The following OPHN1 variants were observed in gnomAD, a reference collection of about 807,000 sequenced individuals.
OPHN1 encodes oligophrenin-1.
A neutral mutation model predicts 60.7 loss-of-function variants in OPHN1; 11 were observed. That is an observed-to-expected ratio of 0.18 (90% confidence interval 0.11 to 0.30). The LOEUF (loss-of-function observed/expected upper bound fraction) is 0.30. OPHN1 is among the 10% of genes least tolerant of loss of function. The probability of loss-of-function intolerance (pLI) is 1.00; values close to 1 mark genes in which losing one functional copy is unlikely to be tolerated. For missense variants in OPHN1, 449 were observed against 611.0 expected (o/e 0.73, Z 2.80); for synonymous variants, 226 against 222.6 (o/e 1.02, Z -0.14).
At chrX:68,101,907 T>C (rs763031277) in intron 18 of OPHN1, among the ~76,000 whole-genome samples, 34 of 112,324 alleles carry the variant, frequency 3.0e-4, no homozygotes, top group African/African-American at 8.7e-4. Flanking sequence ...CTGGAATCCA[T>C]CTAGCCTTTA....
intron 2 of OPHN1, among the ~76,000 whole-genome samples, chrX:68,378,148 T>C (rs1310122555): frequency 1.8e-5 from 2 of 112,277 alleles, no homozygotes; most frequent in South Asian, 3.7e-4. Context: ...TGGTATCTCA[T>C]TGTGGTTTTG....
At chrX:68,175,847 C>T (rs1390307910) in intron 15 of OPHN1, among the ~76,000 whole-genome samples, 2 of 111,985 alleles carry the variant, frequency 1.8e-5, no homozygotes, top group Non-Finnish European at 3.8e-5. Context: ...GTACTCAAAA[C>T]AATGTGGTAC....
intron 15 of OPHN1, among the ~76,000 whole-genome samples, chrX:68,151,392 T>C (rs2077284804): frequency 9.0e-6 from 1 of 111,430 alleles, no homozygotes; most frequent in Non-Finnish European, 1.9e-5. Context: ...TAGGTATGAG[T>C]CAATTGAGGC....
chrX:68,249,264 G>A (rs779142732), intron 5 of OPHN1, among the ~76,000 whole-genome samples: 318 of 111,791 alleles, frequency 2.8e-3, no homozygotes, highest in Admixed American at 4.1e-3. Context: ...ATGGCCTATG[G>A]AGATTGCTGT....
At chrX:68,091,740 C>G (rs900982114) in intron 19 of OPHN1, among the ~76,000 whole-genome samples, 3 of 111,002 alleles carry the variant, frequency 2.7e-5, no homozygotes, top group Non-Finnish European at 5.7e-5. Flanking sequence ...TTCCTGGCAG[C>G]TCCCCAAAAC....
chrX:68,311,063 T>A (rs1015867784), intron 2 of OPHN1, among the ~76,000 whole-genome samples: 3 of 110,756 alleles, frequency 2.7e-5, no homozygotes, highest in African/African-American at 1.0e-4. Flanking sequence ...GAGACCAGCC[T>A]GGGCAACATT....
chrX:68,151,800 G>A (rs920206874), intron 15 of OPHN1, among the ~76,000 whole-genome samples: 6 of 111,575 alleles, frequency 5.4e-5, no homozygotes, highest in Non-Finnish European at 9.4e-5. Context: ...GTCTGCTCTC[G>A]AACTGCTATA....
intron 5 of OPHN1, among the ~76,000 whole-genome samples, chrX:68,262,821 A>C (rs76425931): frequency 1.2e-5 from 1 of 85,003 alleles, no homozygotes; most frequent in Non-Finnish European, 2.4e-5. Flanking sequence ...GGACAGGACA[A>C]GAAAGGAAAG....
chrX:68,211,343 C>T (rs1400615960), intron 8 of OPHN1, among the ~76,000 whole-genome samples: 1 of 112,158 alleles, frequency 8.9e-6, no homozygotes, highest in Non-Finnish European at 1.9e-5. Context: ...TAGCCAAATG[C>T]TCTGAACTTT....
At chrX:68,290,620 A>G (rs1403380613) in intron 3 of OPHN1, among the ~76,000 whole-genome samples, 4 of 108,239 alleles carry the variant, frequency 3.7e-5, no homozygotes, top group African/African-American at 1.0e-4. Context: ...AAAGAAAGGG[A>G]AAAAAAAGCG....
At chrX:68,292,341 T>C (rs1353943109) in intron 3 of OPHN1, among the ~76,000 whole-genome samples, 1 of 112,312 alleles carries the variant, frequency 8.9e-6, no homozygotes, top group Non-Finnish European at 1.9e-5. Flanking sequence ...TTTATAAATA[T>C]AATATTCACT....
At chrX:68,256,323 T>C (rs1247457739) in intron 5 of OPHN1, among the ~76,000 whole-genome samples, 2 of 111,763 alleles carry the variant, frequency 1.8e-5, no homozygotes, top group Non-Finnish European at 3.8e-5. Context: ...CCTGCCAGCA[T>C]TCACTCATGC....
chrX:68,279,646 T>C (rs2078010624), intron 4 of OPHN1, among the ~76,000 whole-genome samples: 1 of 111,426 alleles, frequency 9.0e-6, no homozygotes, highest in Non-Finnish European at 1.9e-5. Flanking sequence ...AGAGGGGTCC[T>C]TTTGCTACAA....
intron 6 of OPHN1, among the ~76,000 whole-genome samples, chrX:68,223,220 G>C (rs1490372249): frequency 8.9e-6 from 1 of 111,911 alleles, no homozygotes; most frequent in Non-Finnish European, 1.9e-5. Context: ...CATTACATCA[G>C]AAAAGACACC....
intron 3 of OPHN1, among the ~76,000 whole-genome samples, chrX:68,297,281 A>G (rs1302209251): frequency 8.9e-6 from 1 of 111,795 alleles, no homozygotes; most frequent in Non-Finnish European, 1.9e-5. Flanking sequence ...CCCATTTTAC[A>G]AGATAAGAAA....
At chrX:68,262,849 C>CAGGAA (rs2077901292) in intron 5 of OPHN1, among the ~76,000 whole-genome samples, 2 of 109,039 alleles carry the variant, frequency 1.8e-5, no homozygotes, top group Non-Finnish European at 3.8e-5. Flanking sequence ...CAGGACAGGA[C>CAGGAA]AGGACAGGAC....
At chrX:68,110,249 A>G (rs1416650107) in intron 18 of OPHN1, among the ~76,000 whole-genome samples, 2 of 111,968 alleles carry the variant, frequency 1.8e-5, no homozygotes, top group African/African-American at 6.5e-5. Flanking sequence ...AGTGAGCTTG[A>G]GCATATTACC....
At chrX:68,322,169 G>A (rs763181153) in intron 2 of OPHN1, among the ~76,000 whole-genome samples, 8 of 109,782 alleles carry the variant, frequency 7.3e-5, no homozygotes, top group Non-Finnish European at 1.5e-4. Flanking sequence ...ATGGGGTTTC[G>A]CCATGTTGCC....
chrX:68,366,829 T>C (rs1481724647), intron 2 of OPHN1, among the ~76,000 whole-genome samples: 1 of 112,019 alleles, frequency 8.9e-6, no homozygotes, highest in African/African-American at 3.2e-5. Context: ...ACTAATGTCT[T>C]TACATGAATT....
Sources: allele counts gnomAD v4.1 joint callset (sites outside exome capture counted in the v4.1 genomes callset), GRCh38; gene constraint gnomAD v4.1.1; transcripts MANE v1.5; gene names NCBI Gene and HGNC (gene_info 2026-07-23, HGNC 2026-07-21).